Variants in TBCB observed in about 807,000 individuals in gnomAD.
The protein encoded by TBCB is tubulin-folding cofactor B.
Under a neutral mutation model 29.2 loss-of-function variants are expected in TBCB, and 18 were observed. The ratio of observed to expected loss-of-function variants is 0.62; its 90% CI spans 0.43 to 0.91. The LOEUF is 0.91. TBCB is among the 40% of genes least tolerant of loss of function. The pLI, the probability that TBCB is intolerant of heterozygous loss-of-function variation, is 0.00. For synonymous variants in TBCB, 172 were observed against 137.8 expected (o/e 1.25, Z -1.74); for missense variants, 336 against 337.6 (o/e 1.00, Z 0.04).
chr19:36,122,071 G>A (rs1231683142), intron 4 of TBCB: 8 of 364,176 alleles, frequency 2.2e-5, no homozygotes, highest in African/African-American at 8.7e-5. Flanking sequence ...GGCTGTGTGA[G>A]CCCAGAGGAA....
chr19:36,119,780 C>G (rs1974013226), intron 2 of TBCB, among the ~76,000 whole-genome samples: 1 of 152,078 alleles, frequency 6.6e-6, no homozygotes, highest in South Asian at 2.1e-4. Flanking sequence ...ATAGTTTCAG[C>G]TGCCCGGGAG....
intron 3 of TBCB, 63 bp downstream of exon 3, chr19:36,120,869 G>A: frequency 1.9e-6 from 3 of 1,545,732 alleles, no homozygotes; most frequent in Non-Finnish European, 1.8e-6. Context: ...AGGTATGAGG[G>A]CGGGCAGGTT....
intron 1 of TBCB, 52 bp downstream of exon 1, chr19:36,115,726 T>C (rs377393551): frequency 1.8e-6 from 2 of 1,083,198 alleles, no homozygotes; most frequent in East Asian, 3.7e-5. Context: ...AATTGGGGGG[T>C]TCCCGGAAGG....
Position 36,125,438 on chromosome 19 carries a change from C to G in TBCB, c.548-13C>G, listed in dbSNP as rs1399956029. The G allele has an allele frequency of 2.5e-6, 4 of 1,614,140 alleles. No homozygotes were observed. Among genetic ancestry groups the G allele is most frequent in the Non-Finnish European group, 2.5e-6 (3 of 1,179,936 alleles). ...GTCCAGAAGCTTCACAGGGATTTCT[C>G]TTCTGTTGGCAGGTCTCACAGATTT... On this transcript the variant is annotated splice_polypyrimidine_tract_variant and intron_variant, in intron 4 of 5. Transcript: ENST00000221855.
In TBCB at chr19:36,121,625, G is replaced by A. The variant is rs1035990731; in HGVS notation, c.454G>A (p.Glu152Lys). ...CGAGGCCGCCCAGCGCCTGGCCGAG[G>A]AGAAGGCCCAGGCCAGCTCCATCCC... Reference protein sequence around the residue: ...EAEAAQRLAEEKAQASSIPVG... With the variant: ...EAEAAQRLAEKKAQASSIPVG... The change falls in exon 4 of 6, where the codon GAG becomes AAG. Residue 152 changes from glutamate to lysine, a missense_variant. Transcript: ENST00000221855. The A allele has an allele frequency of 6.4e-7, 1 of 1,558,048 alleles. No homozygotes were observed. The highest frequency in any genetic ancestry group is 8.7e-7 in the Non-Finnish European group (1 of 1,152,616).
At chr19:36,123,041 A>T (rs1047289765) in intron 4 of TBCB, among the ~76,000 whole-genome samples, 8 of 152,116 alleles carry the variant, frequency 5.3e-5, no homozygotes, top group African/African-American at 1.9e-4. Flanking sequence ...TAGGAATAGG[A>T]TCATGCAGTC....
At chr19:36,115,706 G>A (rs1973938063) in intron 1 of TBCB, 32 bp downstream of exon 1, 2 of 1,497,786 alleles carry the variant, frequency 1.3e-6, no homozygotes, top group Non-Finnish European at 1.8e-6. Flanking sequence ...CCGGAGGGGC[G>A]GGGCGAAGAA....
rs778026150 is a variant in TBCB at position 36,121,539 on chromosome 19, C to A, written c.368C>A (p.Ser123Tyr). The change falls in exon 4 of 6, where the codon TCT becomes TAT. Residue 123 changes from serine (S) to tyrosine (Y), a missense_variant. By Grantham distance (144) the Ser-to-Tyr change is moderately radical. Coordinates refer to ENST00000221855, the MANE Select transcript of TBCB (RefSeq NM_001281.3). ...AYDQRQDTVR[S>Y]FLKRSKLGRY... ...CCTCTGCCCACAGACACGGTCCGCT[C>A]TTTCCTGAAGCGCAGCAAGCTCGGC... 6.4e-7 allele frequency: 1 copy of A among 1,558,898 alleles called. No homozygotes were observed. Among genetic ancestry groups the A allele is most frequent in the South Asian group, 1.2e-5 (1 of 84,908 alleles).
At chr19:36,121,074 G>T (rs560434867) in intron 3 of TBCB, among the ~76,000 whole-genome samples, 1 of 150,396 alleles carries the variant, frequency 6.6e-6, no homozygotes, top group Non-Finnish European at 1.5e-5. Flanking sequence ...GGGTAGGTGT[G>T]GGGGCTGGGT....
Position 36,120,511 on chromosome 19 carries a change from TG to T in TBCB, c.259-194del, listed in dbSNP as rs577588738. On this transcript the variant is annotated intron_variant, in intron 2 of 5. Coordinates refer to ENST00000221855, the MANE Select transcript of TBCB (RefSeq NM_001281.3). Reference sequence around the variant, plus strand: ...CAGAGGCAGCCTCTGGGAGCTTGGATGGGGGTGAGGAAGGGGAGGTGGCCAG... The same window carrying T: ...CAGAGGCAGCCTCTGGGAGCTTGGATGGGGTGAGGAAGGGGAGGTGGCCAG... The T allele has an allele frequency of 3.8e-4, 208 of 552,932 alleles. No individual in the cohort carries two copies. In the African/African-American group the frequency reaches 3.8e-3, roughly 10 times the overall value. 34.3% of individuals were successfully genotyped at this position (552,932 alleles called of 1,614,324 possible). A position where few individuals can be genotyped will look rare whatever the true frequency, so the allele number is the denominator to read the frequency against.
chr19:36,116,305 A>G, intron 2 of TBCB, 121 bp downstream of exon 2: 1 of 1,336,976 alleles, frequency 7.5e-7, no homozygotes, highest in South Asian at 1.4e-5. Flanking sequence ...TGGAGCCTCC[A>G]GTGCAGCCTG....
Position 36,121,614 on chromosome 19 carries a change from G to A in TBCB, c.443G>A (p.Arg148His), listed in dbSNP as rs1487629688. ...CAGCAGGAGGCCGAGGCCGCCCAGCGCCTGGCCGAGGAGAAGGCCCAGGCC... is the reference window on the plus strand; with the variant it reads ...CAGCAGGAGGCCGAGGCCGCCCAGCACCTGGCCGAGGAGAAGGCCCAGGCC... ...RAQQEAEAAQ[R>H]LAEEKAQASS... Residue 148 changes from arginine (R) to histidine (H), a missense_variant, in exon 4 of 6, where the codon CGC (arginine) becomes CAC (histidine). Coordinates refer to ENST00000221855, the MANE Select transcript of TBCB (RefSeq NM_001281.3). The A allele has an allele frequency of 2.6e-6, 4 of 1,554,414 alleles. No individual in the cohort carries two copies. In the African/African-American group the frequency reaches 4.1e-5, roughly 16 times the overall value.
At chr19:36,121,375 A>G in intron 3 of TBCB, 152 bp from the exon 4 acceptor site, 1 of 929,738 alleles carries the variant, frequency 1.1e-6, no homozygotes, top group Non-Finnish European at 1.6e-6. Context: ...GGGAGAGGCT[A>G]AGGCTGTGGT....
chr19:36,115,024 T>G, upstream of TBCB: 3 of 654,792 alleles, frequency 4.6e-6, no homozygotes, highest in Non-Finnish European at 2.6e-6. Context: ...AGAGGTTTCA[T>G]GGCTTGCTTC....
rs1211653645 is a variant in TBCB at position 36,120,775 on chromosome 19, G to A, written c.324G>A (p.Thr108=). The part of the protein sequence containing the change: ...YEDVSRVEKY[T]ISQEAYDQRQ... ...ACGTGTCCCGGGTGGAGAAGTACAC[G>A]ATCTCACAAGAAGCCTACGACCAGA... The change falls in exon 3 of 6, where the codon ACG becomes ACA. Residue 108 remains threonine, a synonymous_variant. Coordinates refer to ENST00000221855, the MANE Select transcript of TBCB (RefSeq NM_001281.3). 4.0e-5 allele frequency: 65 copies of A among 1,613,856 alleles called. 1 individual carries two copies. Among genetic ancestry groups the A allele is most frequent in the Non-Finnish European group, 5.0e-5 (59 of 1,179,972 alleles).
chr19:36,118,135 ACTG>A (rs1973986443), intron 2 of TBCB, among the ~76,000 whole-genome samples: 3 of 152,186 alleles, frequency 2.0e-5, no homozygotes, highest in African/African-American at 7.2e-5. Context: ...TCTAGAGAGA[ACTG>A]CTTCTTTTTT....
chr19:36,120,900 G>C lies in TBCB; in HGVS notation c.355+94G>C, dbSNP rs1974036682. The C allele has an allele frequency of 3.3e-6, 4 of 1,204,704 alleles. No individual in the cohort carries two copies. In the South Asian group the frequency reaches 5.2e-5, roughly 16 times the overall value. The allele number at this position is 1,204,704 out of a possible 1,614,324, so 74.6% of individuals were successfully genotyped here. On this transcript the variant is annotated intron_variant, in intron 3 of 5. Coordinates refer to ENST00000221855, the MANE Select transcript of TBCB (RefSeq NM_001281.3). ...AGGTTAGACAGGGCCCCTGCAGGGA[G>C]GCCAGTGGTGTAGACGGGGGGCCGA...
At chr19:36,123,402 A>G (rs1341820594) in intron 4 of TBCB, among the ~76,000 whole-genome samples, 1 of 151,932 alleles carries the variant, frequency 6.6e-6, no homozygotes, top group Non-Finnish European at 1.5e-5. Flanking sequence ...CTGGGAATAC[A>G]GGTACTCATC....
At chr19:36,121,958 G>A (rs1974062140) in intron 4 of TBCB, 1 of 597,928 alleles carries the variant, frequency 1.7e-6, no homozygotes, top group Admixed American at 3.1e-5. Flanking sequence ...GGAGGAAGCA[G>A]AAGCCAGAGG....
Sources: gnomAD v4.1 joint callset for allele counts (sites outside exome capture counted in the v4.1 genomes callset) on GRCh38, gnomAD v4.1.1 for gene constraint, MANE v1.5 for transcripts, NCBI Gene and HGNC (gene_info 2026-07-23, HGNC 2026-07-21) for gene names.